DPP4: variants seen among roughly 807,000 people sequenced by gnomAD.
DPP4 encodes the protein dipeptidyl peptidase 4.
In DPP4, 93 loss-of-function variants were observed where a neutral mutation model predicts 122.4. The observed-to-expected ratio is 0.76, with a 90% CI of 0.64 to 0.90. The LOEUF (loss-of-function observed/expected upper bound fraction) is 0.90, where lower values mean the gene tolerates loss of function less well. DPP4 is among the 40% of genes least tolerant of loss of function. The probability of loss-of-function intolerance (pLI) is 0.00; values close to 1 mark genes in which losing one functional copy is unlikely to be tolerated. For missense variants in DPP4, 914 were observed against 907.3 expected (o/e 1.01, Z -0.09); for synonymous variants, 321 against 302.9 (o/e 1.06, Z -0.62).
intron 23 of DPP4, among the ~76,000 whole-genome samples, chr2:162,004,983 C>T (rs1378162920): frequency 6.6e-6 from 1 of 152,156 alleles, no homozygotes; most frequent in Non-Finnish European, 1.5e-5. Context: ...CCTAACATGA[C>T]AAACAGAATC....
chr2:162,030,780 A>G (rs1234350132), intron 10 of DPP4, among the ~76,000 whole-genome samples: 2 of 152,174 alleles, frequency 1.3e-5, no homozygotes, highest in Non-Finnish European at 2.9e-5. Flanking sequence ...CTATATTTTA[A>G]ACTCCCTAAA....
At chr2:161,994,404 G>T (rs1034605655) in intron 25 of DPP4, among the ~76,000 whole-genome samples, 6 of 152,154 alleles carry the variant, frequency 3.9e-5, no homozygotes, top group Admixed American at 1.3e-4. Flanking sequence ...ATAATACGTA[G>T]AAATATCCTC....
At chr2:162,011,744 A>T (rs1682713615) in intron 20 of DPP4, 49 bp downstream of exon 20, 1 of 1,575,970 alleles carries the variant, frequency 6.3e-7, no homozygotes, top group African/African-American at 1.4e-5. Flanking sequence ...TAAATTTTAA[A>T]GGGGAAAAAA....
At chr2:162,026,057 A>G (rs918770589) in intron 10 of DPP4, among the ~76,000 whole-genome samples, 15 of 151,952 alleles carry the variant, frequency 9.9e-5, no homozygotes, top group Non-Finnish European at 1.5e-4. Flanking sequence ...CCCTCTCCTC[A>G]CCTGTGGGAC....
At chr2:162,011,432 T>G (rs1490652787) in intron 20 of DPP4, among the ~76,000 whole-genome samples, 10 of 152,156 alleles carry the variant, frequency 6.6e-5, no homozygotes, top group Admixed American at 6.5e-4. Flanking sequence ...TGTGAAGGAA[T>G]GGGCTTGGCT....
At chr2:162,030,929 C>T (rs1415024248) in intron 10 of DPP4, among the ~76,000 whole-genome samples, 1 of 152,090 alleles carries the variant, frequency 6.6e-6, no homozygotes, top group African/African-American at 2.4e-5. Flanking sequence ...CACATAAGGC[C>T]AAAAATCCGT....
Position 162,074,194 on chromosome 2 carries a change from G to T in DPP4, c.-213C>A. On this transcript the variant is annotated 5_prime_UTR_variant, in exon 1 of 26. The change creates a new upstream start codon in the 5' untranslated region. Coordinates refer to ENST00000360534, the MANE Select transcript of DPP4 (RefSeq NM_001935.4). Reference sequence around the variant, plus strand: ...CTGCAGGGCAGGCGGCGCGGGAGCAGGCGCGCGTGGCGCGGGGCACTGGCA... The same window carrying T: ...CTGCAGGGCAGGCGGCGCGGGAGCATGCGCGCGTGGCGCGGGGCACTGGCA... The T allele has an allele frequency of 1.6e-6, 2 of 1,233,182 alleles. No individual in the cohort carries two copies. The highest frequency in any genetic ancestry group is 2.0e-6 in the Non-Finnish European group (2 of 989,108). The allele number at this position is 1,233,182 out of a possible 1,614,324, so 76.4% of individuals were successfully genotyped here. A position where few individuals can be genotyped will look rare whatever the true frequency, so the allele number is the denominator to read the frequency against.
At chr2:162,043,076 A>C (rs1460913168) in intron 5 of DPP4, among the ~76,000 whole-genome samples, 1 of 152,148 alleles carries the variant, frequency 6.6e-6, no homozygotes, top group Non-Finnish European at 1.5e-5. Context: ...AAAAAGAAAG[A>C]GCTGTGCAAT....
intron 2 of DPP4, among the ~76,000 whole-genome samples, chr2:162,053,339 G>A (rs1684450457): frequency 6.6e-6 from 1 of 152,174 alleles, no homozygotes; most frequent in Admixed American, 6.5e-5. Context: ...CTAGGCCAGG[G>A]GTGTCCAATG....
intron 19 of DPP4, 52 bp from the exon 20 acceptor site, chr2:162,012,039 G>A (rs780509329): frequency 4.5e-6 from 7 of 1,555,288 alleles, no homozygotes; most frequent in Non-Finnish European, 6.2e-6. Flanking sequence ...AATCAAATGA[G>A]GAATGCTTAC....
intron 19 of DPP4, among the ~76,000 whole-genome samples, chr2:162,013,247 GTTAC>G (rs1049290636): frequency 3.3e-5 from 5 of 151,754 alleles, no homozygotes; most frequent in African/African-American, 7.3e-5. Flanking sequence ...AGATCAAATC[GTTAC>G]TTACTAGGAA....
At chr2:162,026,900 G>A (rs1347307229) in intron 10 of DPP4, among the ~76,000 whole-genome samples, 3 of 152,112 alleles carry the variant, frequency 2.0e-5, no homozygotes, top group Non-Finnish European at 4.4e-5. Flanking sequence ...TTTCAATTAA[G>A]GGTCAGAGAG....
chr2:162,058,334 C>T (rs976436313), intron 2 of DPP4, among the ~76,000 whole-genome samples: 4 of 152,136 alleles, frequency 2.6e-5, no homozygotes, highest in Non-Finnish European at 5.9e-5. Context: ...CAGATCATCA[C>T]CCCTGCTCAT....
At position 162,035,247 on chromosome 2, in the gene DPP4, T is replaced by G. The variant is rs763559799; in HGVS notation, c.691A>C (p.Thr231Pro). Residue 231 changes from threonine (T) to proline (P), a missense_variant, in exon 9 of 26, where the codon ACA (threonine) becomes CCA (proline). Transcript: ENST00000360534. ...TFLAYAQFND[T>P]EVPLIEYSFY... ...GAGTATTCAATAAGTGGGACTTCTG[T>G]GTCGTTAAATTGGGCATATGCTAAA... 1.9e-6 allele frequency: 3 copies of G among 1,614,034 alleles called. No individual in the cohort carries two copies. The highest frequency in any genetic ancestry group is 2.5e-6 in the Non-Finnish European group (3 of 1,179,972).
chr2:162,010,984 A>G lies in DPP4; in HGVS notation c.1832+809T>C, dbSNP rs1471493376. ...ATTTCCCACATACCAGTTGAATGTA[A>G]TTAAATATAAGAGTCAGAATGAGAC... On this transcript the variant is annotated intron_variant, in intron 20 of 25. Coordinates refer to ENST00000360534, the MANE Select transcript of DPP4 (RefSeq NM_001935.4). Among the ~76,000 whole-genome samples, 8 of 152,300 alleles carry G rather than the reference A, an allele frequency of 5.3e-5. 1 individual carries two copies. The highest frequency in any genetic ancestry group is 1.9e-4 in the East Asian group (1 of 5,184).
intron 2 of DPP4, among the ~76,000 whole-genome samples, chr2:162,064,040 A>G (rs1204684756): frequency 6.6e-6 from 1 of 152,090 alleles, no homozygotes; most frequent in Non-Finnish European, 1.5e-5. Flanking sequence ...TTGGGAGGGG[A>G]GCCGATACAG....
chr2:162,068,808 G>C (rs962212620), intron 2 of DPP4, among the ~76,000 whole-genome samples: 20 of 152,088 alleles, frequency 1.3e-4, no homozygotes, highest in Non-Finnish European at 1.5e-5. Flanking sequence ...AGGAATGAAG[G>C]CATCCACAGT....
chr2:162,024,670 T>G, intron 11 of DPP4, 134 bp downstream of exon 11: 3 of 1,233,294 alleles, frequency 2.4e-6, no homozygotes, highest in Non-Finnish European at 3.4e-6. Flanking sequence ...TTTTATTGCC[T>G]CAGGATCAGA....
At chr2:162,025,355 T>A (rs1683288243) in intron 10 of DPP4, among the ~76,000 whole-genome samples, 1 of 152,176 alleles carries the variant, frequency 6.6e-6, no homozygotes, top group South Asian at 2.1e-4. Flanking sequence ...GTATTTTACA[T>A]GCTTCTCCAG....
Sources: allele counts gnomAD v4.1 joint callset (sites outside exome capture counted in the v4.1 genomes callset), GRCh38; gene constraint gnomAD v4.1.1; transcripts MANE v1.5; gene names NCBI Gene and HGNC (gene_info 2026-07-23, HGNC 2026-07-21).